FBXL3: variants seen among roughly 807,000 people sequenced by gnomAD.
FBXL3 encodes F-box/LRR-repeat protein 3.
Under a neutral mutation model 37.9 loss-of-function variants are expected in FBXL3, and 14 were observed. That is an observed-to-expected ratio of 0.37 (90% CI 0.24 to 0.58). The LOEUF (loss-of-function observed/expected upper bound fraction) is 0.58. Among genes scored for constraint, FBXL3 ranks in the 20% least tolerant of loss-of-function variants. FBXL3 has a pLI of 0.74. For synonymous variants in FBXL3, 194 were observed against 180.1 expected, an observed-to-expected ratio of 1.08 and a Z score of -0.62; for missense variants, 327 against 511.1, an observed-to-expected ratio of 0.64 and a Z score of 3.47.
At chr13:77,018,981 A>T (rs2034693538) in intron 2 of FBXL3, 1 of 293,060 alleles carries the variant, frequency 3.4e-6, no homozygotes. Context: ...TCAAGACAAG[A>T]CCTAGCTTTC....
intron 4 of FBXL3, chr13:77,014,211 C>T (rs1339069673): frequency 6.6e-6 from 1 of 152,128 alleles, no homozygotes. Flanking sequence ...TGAGCAACCA[C>T]AAACAAAGGT....
chr13:77,010,582 G>A (rs1453224020), intron 4 of FBXL3: 3 of 152,182 alleles, frequency 2.0e-5, no homozygotes, highest in South Asian at 2.1e-4. Context: ...GACTCAATGT[G>A]TTATTGCTGG....
At chr13:77,026,101 C>G in intron 1 of FBXL3, 1 of 846,962 alleles carries the variant, frequency 1.2e-6, no homozygotes, top group Non-Finnish European at 1.4e-6. Context: ...AAGGAGGATT[C>G]TAATTAAAAA....
chr13:77,006,668 TTAGATATGATATA>T lies in FBXL3; in HGVS notation c.*464_*476del. 3.4e-6 allele frequency: 1 copy of T among 292,706 alleles called. No homozygotes were observed. Among genetic ancestry groups the T allele is most frequent in the Non-Finnish European group, 5.1e-6 (1 of 195,680 alleles). The allele number at this position is 292,706 out of a possible 1,614,324, so 18.1% of individuals were successfully genotyped here. Reference sequence around the variant, plus strand: ...GAGAACATTCATCCAATCTTTTCCATTAGATATGATATATTCATTTTTCTCACAAAATGCTCAC... The same window carrying T: ...GAGAACATTCATCCAATCTTTTCCATTTCATTTTTCTCACAAAATGCTCAC... On this transcript the variant is annotated 3_prime_UTR_variant, in exon 5 of 5. Coordinates refer to ENST00000355619, the MANE Select transcript of FBXL3 (RefSeq NM_012158.4).
chr13:77,020,605 G>GT (rs1555276400), intron 2 of FBXL3, among the ~76,000 whole-genome samples: 111,733 of 149,388 alleles, frequency 0.75, 45,541 homozygotes, highest in Non-Finnish European at 0.91. Flanking sequence ...TTCATGCATT[G>GT]TTTTTTTTTT....
At chr13:77,016,454 T>C (rs1449529285) in intron 3 of FBXL3, 1 of 152,094 alleles carries the variant, frequency 6.6e-6, no homozygotes, top group Non-Finnish European at 1.5e-5. Context: ...ACCAACTTCA[T>C]GCTCCAGTTA....
chr13:77,016,387 G>T (rs2034643017), intron 3 of FBXL3: 1 of 152,158 alleles, frequency 6.6e-6, no homozygotes, highest in Non-Finnish European at 1.5e-5. Context: ...ACTGGGCAAA[G>T]AATCTAGGAG....
chr13:77,014,307 A>G (rs1463426616), intron 4 of FBXL3: 4 of 152,276 alleles, frequency 2.6e-5, no homozygotes, highest in East Asian at 3.8e-4. Context: ...GTCAAGATAC[A>G]AAAGGACCTT....
At chr13:77,021,909 G>A (rs1466798360) in intron 1 of FBXL3, 48 bp from the exon 2 acceptor site, 1 of 1,425,690 alleles carries the variant, frequency 7.0e-7, no homozygotes, top group Admixed American at 2.1e-5. Flanking sequence ...CTTTTGAATA[G>A]AAATAAACTC....
At chr13:77,023,228 T>C (rs1282785643) in intron 1 of FBXL3, among the ~76,000 whole-genome samples, 6 of 152,166 alleles carry the variant, frequency 3.9e-5, no homozygotes, top group African/African-American at 1.2e-4. Context: ...GGCACGATCA[T>C]GGCTCACTGC....
At chr13:77,016,397 G>A (rs1451398001) in intron 3 of FBXL3, 2 of 152,176 alleles carry the variant, frequency 1.3e-5, no homozygotes, top group Non-Finnish European at 2.9e-5. Context: ...GAATCTAGGA[G>A]AGTAAAGAAA....
intron 1 of FBXL3, among the ~76,000 whole-genome samples, chr13:77,022,123 GGA>G (rs1566232670): frequency 6.6e-6 from 1 of 152,066 alleles, no homozygotes; most frequent in East Asian, 1.9e-4. Flanking sequence ...ATACTACATG[GGA>G]GAGAGTATTA....
chr13:77,017,832 C>T (rs2034671705), intron 3 of FBXL3: 1 of 151,976 alleles, frequency 6.6e-6, no homozygotes, highest in African/African-American at 2.4e-5. Flanking sequence ...GTTATATTCC[C>T]TCCTCAATCA....
At chr13:77,024,332 T>C (rs1052256008) in intron 1 of FBXL3, among the ~76,000 whole-genome samples, 4 of 152,176 alleles carry the variant, frequency 2.6e-5, no homozygotes, top group African/African-American at 9.7e-5. Flanking sequence ...GAGCTTATAA[T>C]TTCTCTTCTG....
intron 4 of FBXL3, chr13:77,013,132 T>C (rs189688255): frequency 7.2e-5 from 11 of 152,320 alleles, no homozygotes; most frequent in African/African-American, 2.6e-4. Context: ...CCAAAAGTCA[T>C]TATGAAACCA....
At chr13:77,010,533 T>A (rs922934692) in intron 4 of FBXL3, 1 of 152,238 alleles carries the variant, frequency 6.6e-6, no homozygotes, top group South Asian at 2.1e-4. Context: ...TCTGGCTGAT[T>A]GCAGAAGAGG....
intron 4 of FBXL3, chr13:77,009,756 T>C (rs1387513100): frequency 1.3e-5 from 2 of 152,228 alleles, no homozygotes; most frequent in Non-Finnish European, 2.9e-5. Context: ...TTACTGGGTA[T>C]ATACCCAAAG....
At chr13:77,026,728 C>CCCCA (rs2034848027) in intron 1 of FBXL3, 99 bp downstream of exon 1, 3 of 128,502 alleles carry the variant, frequency 2.3e-5, no homozygotes, top group East Asian at 3.3e-4. Flanking sequence ...CCCGCGCCCC[C>CCCCA]CCCCACCCCA....
At chr13:77,022,259 T>C (rs879317962) in intron 1 of FBXL3, among the ~76,000 whole-genome samples, 5 of 152,180 alleles carry the variant, frequency 3.3e-5, no homozygotes, top group Admixed American at 6.5e-5. Context: ...CTAAGGATAT[T>C]TGTTCTTGAA....
Sources: gnomAD v4.1 joint callset for allele counts (sites outside exome capture counted in the v4.1 genomes callset) on GRCh38, gnomAD v4.1.1 for gene constraint, MANE v1.5 for transcripts, NCBI Gene and HGNC (gene_info 2026-07-23, HGNC 2026-07-21) for gene names.